The following FHIT variants were observed in gnomAD, a reference collection of about 807,000 sequenced individuals.
The protein encoded by FHIT is fragile histidine triad diadenosine triphosphatase.
A neutral mutation model predicts 17.9 loss-of-function variants in FHIT; 19 were observed. The observed-to-expected ratio is 1.06, with a 90% CI of 0.74 to 1.56. FHIT has a LOEUF of 1.56. Ranked by LOEUF, FHIT falls within the 40% of genes most tolerant of loss-of-function variation. FHIT has a pLI of 0.00. For synonymous variants in FHIT, 81 were observed against 69.7 expected (o/e 1.16, Z -0.81); for missense variants, 248 against 189.2 (o/e 1.31, Z -1.82).
chr3:61,137,387 T>A (rs982578733), intron 2 of FHIT, among the ~76,000 whole-genome samples: 2 of 150,646 alleles, frequency 1.3e-5, no homozygotes, highest in African/African-American at 4.9e-5. Flanking sequence ...ATATTTCCCC[T>A]CTGAGAAGCT....
chr3:61,230,972 CCT>C (rs1295364099), intron 1 of FHIT, among the ~76,000 whole-genome samples: 1 of 152,090 alleles, frequency 6.6e-6, no homozygotes, highest in African/African-American at 2.4e-5. Context: ...AAGAAGTCAT[CCT>C]TTTAGAATTT....
chr3:60,374,347 A>T (rs192708158), intron 5 of FHIT, among the ~76,000 whole-genome samples: 106 of 152,140 alleles, frequency 7.0e-4, no homozygotes, highest in African/African-American at 2.4e-3. Context: ...ACAATATTTG[A>T]TGACTTAGGG....
chr3:59,940,116 G>C (rs960896758), intron 7 of FHIT, among the ~76,000 whole-genome samples: 1 of 152,136 alleles, frequency 6.6e-6, no homozygotes. Context: ...CAGATTTCTT[G>C]TTTGTAAAAT....
At chr3:60,296,424 A>T (rs543696795) in intron 5 of FHIT, among the ~76,000 whole-genome samples, 1 of 152,272 alleles carries the variant, frequency 6.6e-6, no homozygotes, top group South Asian at 2.1e-4. Flanking sequence ...CCTTAGAGTT[A>T]ATGATGTAGA....
intron 3 of FHIT, among the ~76,000 whole-genome samples, chr3:60,835,805 A>G (rs1335727962): frequency 6.6e-6 from 1 of 152,064 alleles, no homozygotes. Context: ...TTGAGGAGAG[A>G]TGAGGTCTCT....
chr3:60,046,310 G>A (rs903120641), intron 5 of FHIT, among the ~76,000 whole-genome samples: 1 of 152,162 alleles, frequency 6.6e-6, no homozygotes, highest in African/African-American at 2.4e-5. Context: ...TCAATAAACA[G>A]GTGGATTTTG....
At chr3:60,067,761 T>C (rs1240702566) in intron 5 of FHIT, among the ~76,000 whole-genome samples, 1 of 152,204 alleles carries the variant, frequency 6.6e-6, no homozygotes, top group Admixed American at 6.5e-5. Flanking sequence ...CATCATTAAA[T>C]ACCCAGTGAG....
At chr3:60,308,496 GTATATATATATATATATATA>G (rs5849349) in intron 5 of FHIT, among the ~76,000 whole-genome samples, 4 of 140,878 alleles carry the variant, frequency 2.8e-5, no homozygotes, top group Admixed American at 2.8e-4. Flanking sequence ...AGGTGTATGT[GTATATATATATATATATATA>G]TATATATATA....
At chr3:59,973,613 G>C (rs1708282607) in intron 7 of FHIT, among the ~76,000 whole-genome samples, 1 of 152,034 alleles carries the variant, frequency 6.6e-6, no homozygotes, top group Non-Finnish European at 1.5e-5. Flanking sequence ...GTAATTTTAA[G>C]TTTTTTATTA....
chr3:60,476,308 T>A (rs1187291127), intron 5 of FHIT, among the ~76,000 whole-genome samples: 1 of 152,166 alleles, frequency 6.6e-6, no homozygotes, highest in Admixed American at 6.5e-5. Flanking sequence ...CTATTACTGT[T>A]AGTATGAAGG....
chr3:60,551,593 G>A (rs1159591825), intron 4 of FHIT, among the ~76,000 whole-genome samples: 1 of 97,938 alleles, frequency 1.0e-5, no homozygotes, highest in Admixed American at 1.0e-4. Flanking sequence ...GGAGGAGAGA[G>A]GAGAGGAGAG....
intron 1 of FHIT, among the ~76,000 whole-genome samples, chr3:61,224,280 T>G (rs952668002): frequency 1.3e-5 from 2 of 152,212 alleles, no homozygotes; most frequent in Non-Finnish European, 2.9e-5. Flanking sequence ...AAAGTAATAC[T>G]TCTTTGGAGT....
At chr3:60,191,533 T>G (rs1169395629) in intron 5 of FHIT, among the ~76,000 whole-genome samples, 1 of 152,194 alleles carries the variant, frequency 6.6e-6, no homozygotes, top group Non-Finnish European at 1.5e-5. Context: ...CCGTAGTGAT[T>G]AGAAGGGCAT....
chr3:60,952,988 A>G (rs1708955593), intron 3 of FHIT, among the ~76,000 whole-genome samples: 1 of 152,128 alleles, frequency 6.6e-6, no homozygotes, highest in African/African-American at 2.4e-5. Flanking sequence ...CCATTAATCT[A>G]TCTTATATTC....
At chr3:60,864,713 T>C (rs1413904482) in intron 3 of FHIT, among the ~76,000 whole-genome samples, 2 of 152,174 alleles carry the variant, frequency 1.3e-5, no homozygotes, top group African/African-American at 4.8e-5. Context: ...TTCAAGAGCA[T>C]GATACGGTAA....
intron 5 of FHIT, among the ~76,000 whole-genome samples, chr3:60,526,727 C>G (rs2035589526): frequency 6.6e-6 from 1 of 152,106 alleles, no homozygotes; most frequent in Non-Finnish European, 1.5e-5. Context: ...ATGGGAAGCT[C>G]TCCAAAAGCA....
intron 3 of FHIT, among the ~76,000 whole-genome samples, chr3:60,842,657 T>A (rs1165482106): frequency 9.0e-5 from 12 of 133,172 alleles, no homozygotes; most frequent in African/African-American, 3.4e-4. Flanking sequence ...TTTTTTTTTT[T>A]TTTTTTTCCC....
chr3:60,202,888 A>C (rs1421165645), intron 5 of FHIT, among the ~76,000 whole-genome samples: 59 of 152,266 alleles, frequency 3.9e-4, no homozygotes, highest in South Asian at 2.1e-4. Flanking sequence ...AGCATCAGTC[A>C]GAAAGCTACT....
chr3:59,919,011 C>T (rs776915070), intron 8 of FHIT, among the ~76,000 whole-genome samples: 8 of 152,158 alleles, frequency 5.3e-5, no homozygotes, highest in Middle Eastern at 3.4e-3. Flanking sequence ...AAGGTTTTAC[C>T]TTTTATTTCC....
Sources: allele counts gnomAD v4.1 joint callset (sites outside exome capture counted in the v4.1 genomes callset), GRCh38; gene constraint gnomAD v4.1.1; transcripts MANE v1.5; gene names NCBI Gene and HGNC (gene_info 2026-07-23, HGNC 2026-07-21).